FOXN3: variants seen among roughly 807,000 people sequenced by gnomAD.
FOXN3 encodes the protein forkhead box protein N3.
FOXN3 carries 7 observed loss-of-function variants against 38.4 expected under a neutral mutation model. That is an observed-to-expected ratio of 0.18 (90% CI 0.10 to 0.34). FOXN3 has a LOEUF of 0.34. Ranked by LOEUF, FOXN3 falls within the 10% of genes least tolerant of loss-of-function variation. The pLI, the probability that FOXN3 is intolerant of heterozygous loss-of-function variation, is 1.00. For synonymous variants in FOXN3, 230 were observed against 242.2 expected (o/e 0.95, Z 0.47); for missense variants, 456 against 613.4 (o/e 0.74, Z 2.71).
chr14:89,372,956 A>G (rs547150653), intron 2 of FOXN3, among the ~76,000 whole-genome samples: 44 of 152,306 alleles, frequency 2.9e-4, no homozygotes, highest in Middle Eastern at 6.8e-3. Flanking sequence ...GCTTGAGCCC[A>G]GGAGTTCGAG....
At chr14:89,339,471 T>C (rs1180364032) in intron 3 of FOXN3, among the ~76,000 whole-genome samples, 3 of 152,088 alleles carry the variant, frequency 2.0e-5, no homozygotes, top group Admixed American at 1.3e-4. Flanking sequence ...GGAGGAAGCA[T>C]GGAGACCCTC....
intron 1 of FOXN3, among the ~76,000 whole-genome samples, chr14:89,467,094 T>C (rs1030034611): frequency 6.6e-6 from 1 of 152,180 alleles, no homozygotes; most frequent in Admixed American, 6.5e-5. Flanking sequence ...TGCTGGAGCC[T>C]GCCCGGGACT....
At chr14:89,594,311 A>G (rs747587240) in intron 1 of FOXN3, among the ~76,000 whole-genome samples, 45 of 152,360 alleles carry the variant, frequency 3.0e-4, no homozygotes, top group Middle Eastern at 3.4e-3. Flanking sequence ...TGGTTGTACC[A>G]ATTTACACTC....
At chr14:89,185,948 A>C (rs1887794905) in intron 4 of FOXN3, 1 of 152,420 alleles carries the variant, frequency 6.6e-6, no homozygotes, top group Admixed American at 6.5e-5. Flanking sequence ...CTAAGGTCCA[A>C]GACAAACTCC....
chr14:89,241,370 T>A (rs1372070055), intron 4 of FOXN3, among the ~76,000 whole-genome samples: 4 of 152,172 alleles, frequency 2.6e-5, no homozygotes, highest in African/African-American at 9.7e-5. Flanking sequence ...CTGCTCTCTG[T>A]GCATGCTCAT....
chr14:89,472,532 A>G (rs984281743), intron 1 of FOXN3, among the ~76,000 whole-genome samples: 1 of 152,072 alleles, frequency 6.6e-6, no homozygotes, highest in South Asian at 2.1e-4. Flanking sequence ...CACCTTGGCT[A>G]ACATGGTGAA....
intron 1 of FOXN3, among the ~76,000 whole-genome samples, chr14:89,480,942 T>C (rs1208064767): frequency 6.6e-6 from 1 of 152,180 alleles, no homozygotes; most frequent in East Asian, 1.9e-4. Flanking sequence ...ATTTTTCAGC[T>C]GCTGTTCCCT....
rs1233100799 is a variant in FOXN3, at chr14:89,463,133, C to CA, written c.-14-50644dup. 7.9e-5 allele frequency among the ~76,000 whole-genome samples: 12 copies of CA among 151,140 alleles called. No individual in the cohort carries two copies. The East Asian group carries it at 1.4e-3, about 18-fold the overall frequency. Reference sequence around the variant, plus strand: ...TGAAACCCCGTCTCTACTAAAAATACAAAAAATTAGCCGGGCGTGGTGGCA... The same window carrying CA: ...TGAAACCCCGTCTCTACTAAAAATACAAAAAAATTAGCCGGGCGTGGTGGCA... On this transcript the variant is annotated intron_variant, in intron 1 of 6. Coordinates refer to the FOXN3 transcript ENST00000345097.
intron 1 of FOXN3, among the ~76,000 whole-genome samples, chr14:89,457,274 C>T (rs1284917713): frequency 1.3e-5 from 2 of 152,152 alleles, no homozygotes; most frequent in Non-Finnish European, 2.9e-5. Context: ...CAGAAAGACG[C>T]GAAGACCAGC....
At chr14:89,226,503 T>G (rs943501757) in intron 4 of FOXN3, among the ~76,000 whole-genome samples, 3 of 152,144 alleles carry the variant, frequency 2.0e-5, no homozygotes, top group Non-Finnish European at 4.4e-5. Flanking sequence ...CTCGAACTCC[T>G]GGCCTCAAGC....
At chr14:89,339,519 T>G (rs1416896373) in intron 3 of FOXN3, among the ~76,000 whole-genome samples, 3 of 152,164 alleles carry the variant, frequency 2.0e-5, no homozygotes, top group Non-Finnish European at 4.4e-5. Context: ...TGTGGTTCTC[T>G]CGGATCCTGC....
chr14:89,280,204 T>C (rs1886417724), intron 4 of FOXN3, among the ~76,000 whole-genome samples: 1 of 152,232 alleles, frequency 6.6e-6, no homozygotes, highest in Non-Finnish European at 1.5e-5. Context: ...AAAATAGCGA[T>C]AACCCCAAAG....
chr14:89,405,648 C>T (rs1163336410), intron 2 of FOXN3, among the ~76,000 whole-genome samples: 1 of 152,156 alleles, frequency 6.6e-6, no homozygotes, highest in Non-Finnish European at 1.5e-5. Flanking sequence ...CAGTTGTGTG[C>T]TCTGTGCAGA....
chr14:89,363,370 T>A (rs1889955699), intron 2 of FOXN3, among the ~76,000 whole-genome samples: 1 of 152,222 alleles, frequency 6.6e-6, no homozygotes. Context: ...AACTAACCCA[T>A]GACTATGTGC....
intron 1 of FOXN3, among the ~76,000 whole-genome samples, chr14:89,596,842 G>A (rs1408666057): frequency 6.6e-6 from 1 of 150,780 alleles, no homozygotes; most frequent in Non-Finnish European, 1.5e-5. Context: ...ATCTTTTAAA[G>A]ATAGTTATAC....
chr14:89,369,692 C>A (rs1416292764), intron 2 of FOXN3, among the ~76,000 whole-genome samples: 1 of 151,588 alleles, frequency 6.6e-6, no homozygotes, highest in Non-Finnish European at 1.5e-5. Context: ...GGAAACTCCC[C>A]TTTACAAACC....
At chr14:89,289,672 A>C (rs1365297867) in intron 3 of FOXN3, among the ~76,000 whole-genome samples, 1 of 152,234 alleles carries the variant, frequency 6.6e-6, no homozygotes, top group African/African-American at 2.4e-5. Flanking sequence ...TTTGGTCCTT[A>C]ATATGAAATG....
chr14:89,344,341 C>T (rs955939289), intron 3 of FOXN3, among the ~76,000 whole-genome samples: 3 of 151,424 alleles, frequency 2.0e-5, no homozygotes, highest in South Asian at 4.2e-4. Context: ...ATCATGGAGG[C>T]CAAAGGTACG....
At chr14:89,259,460 T>C (rs916503702) in intron 4 of FOXN3, among the ~76,000 whole-genome samples, 11 of 152,330 alleles carry the variant, frequency 7.2e-5, no homozygotes, top group African/African-American at 2.2e-4. Context: ...ATACCTAGAA[T>C]TTACAATATT....
Sources: gnomAD v4.1 joint callset for allele counts (sites outside exome capture counted in the v4.1 genomes callset) on GRCh38, gnomAD v4.1.1 for gene constraint, MANE v1.5 for transcripts, NCBI Gene and HGNC (gene_info 2026-07-23, HGNC 2026-07-21) for gene names.